The following KCTD1 variants were observed in gnomAD, a reference collection of about 807,000 sequenced individuals.
The protein encoded by KCTD1 is BTB/POZ domain-containing protein KCTD1.
KCTD1 carries 24 observed loss-of-function variants against 66.0 expected under a neutral mutation model. The observed-to-expected ratio is 0.36, with a 90% CI of 0.26 to 0.51. KCTD1 has a LOEUF of 0.51. Among genes scored for constraint, KCTD1 ranks in the 20% least tolerant of loss-of-function variants. KCTD1 has a pLI of 0.95. For synonymous variants in KCTD1, 511 were observed against 517.2 expected, an observed-to-expected ratio of 0.99 and a Z score of 0.16; for missense variants, 943 against 1,205.2, an observed-to-expected ratio of 0.78 and a Z score of 3.22.
chr18:26,610,739 C>G (rs1987120787), intron 1 of KCTD1, among the ~76,000 whole-genome samples: 1 of 152,126 alleles, frequency 6.6e-6, no homozygotes, highest in African/African-American at 2.4e-5. Flanking sequence ...AGGAGTCTAT[C>G]TTTTTACTAC....
chr18:26,511,467 CTG>C (rs1295615021), intron 1 of KCTD1, among the ~76,000 whole-genome samples: 1 of 152,206 alleles, frequency 6.6e-6, no homozygotes, highest in African/African-American at 2.4e-5. Context: ...AGTACACTGC[CTG>C]TGTTTCCTGA....
At chr18:26,488,941 T>G (rs1039300719) in intron 2 of KCTD1, among the ~76,000 whole-genome samples, 8 of 152,162 alleles carry the variant, frequency 5.3e-5, no homozygotes, top group African/African-American at 1.9e-4. Context: ...TAAAAAACAT[T>G]TTCATTTGCA....
chr18:26,574,640 G>T (rs971477123), intron 1 of KCTD1, among the ~76,000 whole-genome samples: 1 of 152,142 alleles, frequency 6.6e-6, no homozygotes, highest in African/African-American at 2.4e-5. Context: ...CCTCCAGATA[G>T]ACAGCATTTT....
intron 1 of KCTD1, among the ~76,000 whole-genome samples, chr18:26,517,871 G>A (rs1156490617): frequency 6.6e-6 from 1 of 152,170 alleles, no homozygotes; most frequent in Non-Finnish European, 1.5e-5. Flanking sequence ...CTAACACAGC[G>A]GCCAAACACC....
Position 26,547,655 on chromosome 18 carries a change from G to C in KCTD1, c.882C>G (p.Thr294=). The C allele has an allele frequency of 6.4e-7, 1 of 1,551,634 alleles. No individual in the cohort carries two copies. Among genetic ancestry groups the C allele is most frequent in the Non-Finnish European group, 8.7e-7 (1 of 1,147,004 alleles). Residue 294 remains threonine (T), a synonymous_variant, in exon 1 of 5, where the codon ACC becomes ACG. Coordinates refer to ENST00000580059, the MANE Select transcript of KCTD1 (RefSeq NM_001142730.3). ...GCGTGTTGGTGCTGAAGACGCTGGA[G>C]GTGTACAGCTTGCGCAGGTCGGCGC... ...ITRADLRKLY[T]SSVFSTNTPF...
Position 26,455,731 on chromosome 18 carries a change from A to AAAT in KCTD1, c.*9_*11dup. The stretch of plus-strand genomic sequence containing the variant: ...GTGTGTGTTTTCCTTTTTGCATAAG[A>AAAT]AATATGTCCATTTAGTCCAGAGGCT... On this transcript the variant is annotated 3_prime_UTR_variant, in exon 5 of 5. Transcript: ENST00000580059. 1 of 1,613,744 alleles carries AAAT rather than the reference A, an allele frequency of 6.2e-7. No individual in the cohort carries two copies. Among genetic ancestry groups the AAAT allele is most frequent in the Non-Finnish European group, 8.5e-7 (1 of 1,179,950 alleles).
chr18:26,627,262 T>TTGTGTGTGTGTG (rs59902249), intron 1 of KCTD1, among the ~76,000 whole-genome samples: 9 of 145,936 alleles, frequency 6.2e-5, no homozygotes, highest in African/African-American at 1.8e-4. Flanking sequence ...CTTCTGGGTT[T>TTGTGTGTGTGTG]TGTGTGTGTG....
chr18:26,470,744 C>CG (rs1235089691), intron 3 of KCTD1, among the ~76,000 whole-genome samples: 1 of 152,216 alleles, frequency 6.6e-6, no homozygotes, highest in Non-Finnish European at 1.5e-5. Context: ...CGTGTGACCA[C>CG]GGAGAGTCAG....
rs1671219690 is a variant in KCTD1, at chr18:26,455,519, T to A, written c.*224A>T. On this transcript the variant is annotated 3_prime_UTR_variant, in exon 5 of 5. Transcript: ENST00000580059. The stretch of plus-strand genomic sequence containing the variant: ...TTTCTTTTTTGCATTTCCTACCTTT[T>A]GACATATATATATATATTTATATAT... The A allele has an allele frequency of 1.2e-5, 3 of 258,976 alleles. No homozygotes were observed. The highest frequency in any genetic ancestry group is 2.1e-5 in the Non-Finnish European group (3 of 144,544). 16.0% of individuals were successfully genotyped at this position (258,976 alleles called of 1,614,324 possible).
upstream of KCTD1, among the ~76,000 whole-genome samples, chr18:26,629,737 T>TG (rs1987578341): frequency 6.6e-6 from 1 of 150,894 alleles, no homozygotes; most frequent in Non-Finnish European, 1.5e-5. Flanking sequence ...TTTTTTTTTT[T>TG]GACAGAATCT....
intron 2 of KCTD1, among the ~76,000 whole-genome samples, chr18:26,494,826 C>T (rs760527562): frequency 6.6e-6 from 1 of 151,932 alleles, no homozygotes; most frequent in African/African-American, 2.4e-5. Flanking sequence ...CAAAGATTAA[C>T]CCATCTTGCC....
chr18:26,557,096 T>G (rs1326762016), intron 1 of KCTD1, among the ~76,000 whole-genome samples: 1 of 152,138 alleles, frequency 6.6e-6, no homozygotes, highest in Non-Finnish European at 1.5e-5. Context: ...TGGTCAATAG[T>G]GTTTCTTCTG....
chr18:26,592,424 T>A (rs1986629491), intron 1 of KCTD1, among the ~76,000 whole-genome samples: 1 of 151,926 alleles, frequency 6.6e-6, no homozygotes, highest in Admixed American at 6.6e-5. Context: ...AATAGTTCCA[T>A]GGCTACCATC....
chr18:26,465,376 G>C (rs1157340210), intron 3 of KCTD1, among the ~76,000 whole-genome samples: 1 of 152,182 alleles, frequency 6.6e-6, no homozygotes, highest in African/African-American at 2.4e-5. Context: ...CAGCCACCGT[G>C]CCCGGCCCAT....
chr18:26,610,874 T>A lies in KCTD1; in HGVS notation c.-16+18273A>T, dbSNP rs1426681572. Among the ~76,000 whole-genome samples, 83 of 152,316 alleles carry A rather than the reference T, an allele frequency of 5.4e-4. 2 individuals are homozygous for A. The highest frequency in any genetic ancestry group is 5.3e-3 in the Admixed American group (81 of 15,304). On this transcript the variant is annotated intron_variant, in intron 1 of 4. Transcript: ENST00000317932. The stretch of plus-strand genomic sequence containing the variant: ...TAATATGTCTTTTTTCTCTGGCTCT[T>A]TTAAGATTTTCCTTGTATAACTGAG...
intron 1 of KCTD1, among the ~76,000 whole-genome samples, chr18:26,628,236 A>C (rs150912093): frequency 1.3e-5 from 2 of 152,236 alleles, no homozygotes; most frequent in Non-Finnish European, 2.9e-5. Context: ...CAGGACCTAG[A>C]CTAAATATTT....
At chr18:26,587,673 T>C (rs1986500080) in intron 1 of KCTD1, among the ~76,000 whole-genome samples, 1 of 152,140 alleles carries the variant, frequency 6.6e-6, no homozygotes, top group Non-Finnish European at 1.5e-5. Context: ...TCAACATTAA[T>C]AGGAGTTTGG....
intron 3 of KCTD1, among the ~76,000 whole-genome samples, chr18:26,465,610 C>T (rs1307152314): frequency 2.0e-5 from 3 of 152,226 alleles, no homozygotes; most frequent in Admixed American, 2.0e-4. Flanking sequence ...CTACGCCCTG[C>T]CACTGTCTCC....
Position 26,459,722 on chromosome 18 carries a change from G to A in KCTD1, c.2337C>T (p.Ile779=), listed in dbSNP as rs146911358. ...KSLIEEVFPE[I]GDVMCNSVNA... is the part of the protein sequence containing the mutation. ...TGACAGAGTTACACATCACGTCGCC[G>A]ATCTCTGGAAATACTTCTTCTATCA... The change falls in exon 4 of 5, where the codon ATC becomes ATT. Residue 779 remains isoleucine, a synonymous_variant. Coordinates refer to ENST00000580059, the MANE Select transcript of KCTD1 (RefSeq NM_001142730.3). 3.7e-6 allele frequency: 6 copies of A among 1,613,948 alleles called. No individual in the cohort carries two copies. The highest frequency in any genetic ancestry group is 1.3e-5 in the African/African-American group (1 of 74,896).
Sources: allele counts gnomAD v4.1 joint callset (sites outside exome capture counted in the v4.1 genomes callset), GRCh38; gene constraint gnomAD v4.1.1; transcripts MANE v1.5; gene names NCBI Gene and HGNC (gene_info 2026-07-23, HGNC 2026-07-21).